EPSTI1: variants seen among roughly 807,000 people sequenced by gnomAD.
EPSTI1 encodes the protein epithelial stromal interaction 1, also known as epithelial-stromal interaction protein 1.
A neutral mutation model predicts 49.9 loss-of-function variants in EPSTI1; 66 were observed. That is an observed-to-expected ratio of 1.32 (90% CI 1.08 to 1.62). The LOEUF (loss-of-function observed/expected upper bound fraction) is 1.62, where lower values mean the gene tolerates loss of function less well. Ranked by LOEUF, EPSTI1 falls within the 40% of genes most tolerant of loss-of-function variation. The pLI is 0.00. For missense variants in EPSTI1, 394 were observed against 365.5 expected (o/e 1.08, Z -0.64); for synonymous variants, 137 against 130.7 (o/e 1.05, Z -0.33).
intron 1 of EPSTI1, among the ~76,000 whole-genome samples, chr13:42,979,389 T>C (rs1419785386): frequency 2.6e-5 from 4 of 152,002 alleles, no homozygotes; most frequent in Non-Finnish European, 5.9e-5. Context: ...CCATCCTGGC[T>C]AACACGGCGA....
intron 7 of EPSTI1, among the ~76,000 whole-genome samples, chr13:42,919,850 T>C (rs1468262464): frequency 1.3e-5 from 2 of 152,156 alleles, no homozygotes; most frequent in Non-Finnish European, 2.9e-5. Flanking sequence ...CATAACAAAG[T>C]ATTGTGATAC....
intron 3 of EPSTI1, 145 bp downstream of exon 3, chr13:42,968,949 C>T: frequency 1.4e-6 from 1 of 710,914 alleles, no homozygotes; most frequent in Non-Finnish European, 2.4e-6. Flanking sequence ...CACACACACA[C>T]ACACAATTAA....
rs943807887 is a variant in EPSTI1, at chr13:42,901,306, A to G, written c.742-923T>C. The stretch of plus-strand genomic sequence containing the variant: ...TGATGAAAAGTATACAAAAAAACTC[A>G]AAGTTCAGGCTGACATTTTATTAAC... On this transcript the variant is annotated intron_variant, in intron 8 of 10. Transcript: ENST00000313624. 6.6e-5 allele frequency among the ~76,000 whole-genome samples: 10 copies of G among 152,168 alleles called. No individual in the cohort carries two copies. The East Asian group carries it at 1.9e-3, about 29-fold the overall frequency.
intron 1 of EPSTI1, among the ~76,000 whole-genome samples, chr13:42,972,364 A>T (rs543608284): frequency 6.6e-5 from 10 of 152,314 alleles, no homozygotes; most frequent in African/African-American, 2.4e-4. Context: ...TTCCAAGATG[A>T]TGCTGTTCTT....
intron 8 of EPSTI1, among the ~76,000 whole-genome samples, chr13:42,908,484 G>GGAA (rs573553875): frequency 4.4e-5 from 5 of 113,366 alleles, no homozygotes; most frequent in African/African-American, 1.8e-4. Flanking sequence ...ACTCTGTTAT[G>GGAA]AAAAAAAAAA....
At chr13:42,927,477 A>G (rs900583950) in intron 6 of EPSTI1, among the ~76,000 whole-genome samples, 3 of 152,136 alleles carry the variant, frequency 2.0e-5, no homozygotes, top group Non-Finnish European at 2.9e-5. Flanking sequence ...GCTTCCCCCT[A>G]ATATTTTAAG....
At chr13:42,952,819 C>T (rs1487818176) in intron 6 of EPSTI1, among the ~76,000 whole-genome samples, 1 of 152,228 alleles carries the variant, frequency 6.6e-6, no homozygotes, top group East Asian at 1.9e-4. Flanking sequence ...AGAAACGTCT[C>T]TTCCATTCCT....
Position 42,945,785 on chromosome 13 carries a change from A to G in EPSTI1, c.563+8163T>C, listed in dbSNP as rs1194397634. Among the ~76,000 whole-genome samples, 4 of 152,310 alleles carry G rather than the reference A, an allele frequency of 2.6e-5. No homozygotes were observed. In the East Asian group the frequency reaches 5.8e-4, roughly 22 times the overall value. On this transcript the variant is annotated intron_variant, in intron 6 of 10. Transcript: ENST00000313624. ...TGAAAATGAGGTAGCATACACCAGG[A>G]TATCTGCAGGGAGAATTGATAGTGG...
At chr13:42,890,296 C>CTTTTCTTTTTTTTTTTT (rs1470146396) in intron 10 of EPSTI1, among the ~76,000 whole-genome samples, 4 of 116,308 alleles carry the variant, frequency 3.4e-5, no homozygotes, top group Non-Finnish European at 5.4e-5. Flanking sequence ...TTTTTCTTTT[C>CTTTTCTTTTTTTTTTTT]TTTTTTTTTT....
At chr13:42,896,689 A>G (rs1443177660) in intron 9 of EPSTI1, among the ~76,000 whole-genome samples, 6 of 152,184 alleles carry the variant, frequency 3.9e-5, no homozygotes, top group African/African-American at 1.4e-4. Context: ...CTTTTGCTTA[A>G]AATTCTCCCA....
chr13:42,889,587 A>G (rs1369611439), intron 10 of EPSTI1, among the ~76,000 whole-genome samples: 1 of 152,186 alleles, frequency 6.6e-6, no homozygotes, highest in Admixed American at 6.5e-5. Flanking sequence ...GTCCTCATCT[A>G]TCAGTCTTTA....
intron 6 of EPSTI1, among the ~76,000 whole-genome samples, chr13:42,929,146 C>T (rs939713955): frequency 1.3e-5 from 2 of 152,208 alleles, no homozygotes; most frequent in Admixed American, 6.5e-5. Context: ...CTGATGCTCA[C>T]GTCTAAATCT....
At chr13:42,897,099 C>CA (rs200789783) in intron 9 of EPSTI1, among the ~76,000 whole-genome samples, 46,729 of 121,704 alleles carry the variant, frequency 0.38, 8,325 homozygotes, top group East Asian at 0.58. Flanking sequence ...AACTCTGTCT[C>CA]AAAAAAAAAA....
chr13:42,897,417 C>G (rs1057114623), intron 9 of EPSTI1, among the ~76,000 whole-genome samples: 1 of 152,224 alleles, frequency 6.6e-6, no homozygotes, highest in Non-Finnish European at 1.5e-5. Context: ...ATAATTTCCA[C>G]ATGGTGAGGC....
chr13:42,903,335 A>T (rs1431545945), intron 8 of EPSTI1, among the ~76,000 whole-genome samples: 1 of 152,224 alleles, frequency 6.6e-6, no homozygotes, highest in Non-Finnish European at 1.5e-5. Flanking sequence ...AAAATGAGAA[A>T]GAACCAGCTT....
rs181123728 is a variant in EPSTI1 at position 42,922,480 on chromosome 13, G to A, written c.657+3856C>T. On this transcript the variant is annotated intron_variant, in intron 7 of 10. Coordinates refer to ENST00000313624, the MANE Select transcript of EPSTI1 (RefSeq NM_033255.5). The surrounding 1 kb of genome is among the most constrained non-coding windows in gnomAD (Gnocchi z 4.8). ...ATGCAGCCGTGTGCCAAGGGTTTGCGGGGACAGGGGACAGATGCCCCCCGG... is the reference window on the plus strand; with the variant it reads ...ATGCAGCCGTGTGCCAAGGGTTTGCAGGGACAGGGGACAGATGCCCCCCGG... 1.5e-4 allele frequency among the ~76,000 whole-genome samples: 23 copies of A among 151,632 alleles called. No individual in the cohort carries two copies. The highest frequency in any genetic ancestry group is 2.1e-4 in the South Asian group (1 of 4,822).
intron 9 of EPSTI1, among the ~76,000 whole-genome samples, chr13:42,896,181 C>A (rs540801940): frequency 6.6e-6 from 1 of 152,114 alleles, no homozygotes; most frequent in Non-Finnish European, 1.5e-5. Flanking sequence ...CATCGGGCTG[C>A]GGTTCCACCT....
chr13:42,956,109 A>G (rs1198998746), intron 5 of EPSTI1, among the ~76,000 whole-genome samples: 2 of 152,250 alleles, frequency 1.3e-5, no homozygotes, highest in African/African-American at 4.8e-5. Context: ...CAGTTTGCAA[A>G]TAACAGTAAG....
intron 4 of EPSTI1, 188 bp from the exon 5 acceptor site, chr13:42,963,526 A>G (rs2039520249): frequency 3.4e-6 from 2 of 581,524 alleles, no homozygotes; most frequent in Admixed American, 6.7e-5. Flanking sequence ...TGCCCGTGAA[A>G]TTTCTGTCTT....
Sources: gnomAD v4.1 joint callset for allele counts (sites outside exome capture counted in the v4.1 genomes callset) on GRCh38, gnomAD v4.1.1 for gene constraint, Gnocchi (gnomAD v3.1) non-coding constraint, MANE v1.5 for transcripts, NCBI Gene and HGNC (gene_info 2026-07-23, HGNC 2026-07-21) for gene names.